Variants in CNTN5 observed in about 807,000 individuals in gnomAD.
The protein encoded by CNTN5 is contactin-5.
CNTN5 carries 77 observed loss-of-function variants against 129.1 expected under a neutral mutation model. The observed-to-expected ratio is 0.60, with a 90% CI of 0.50 to 0.72. The LOEUF is 0.72. CNTN5 is among the 30% of genes least tolerant of loss of function. The pLI is 0.00. For synonymous variants in CNTN5, 509 were observed against 465.6 expected, an observed-to-expected ratio of 1.09 and a Z score of -1.20; for missense variants, 1,478 against 1,328.8, an observed-to-expected ratio of 1.11 and a Z score of -1.75.
intron 1 of CNTN5, among the ~76,000 whole-genome samples, chr11:99,037,328 AG>A (rs982032277): frequency 1.3e-5 from 2 of 152,166 alleles, no homozygotes; most frequent in African/African-American, 4.8e-5. Context: ...TTGCTCTAAA[AG>A]CTTTAATCGT....
intron 9 of CNTN5, among the ~76,000 whole-genome samples, chr11:100,030,220 A>G (rs1473072018): frequency 6.6e-6 from 1 of 152,234 alleles, no homozygotes; most frequent in East Asian, 1.9e-4. Context: ...AAAAAGAAAA[A>G]AAAAAATTAA....
chr11:100,063,706 T>TAAAAAA (rs35896237), intron 10 of CNTN5, among the ~76,000 whole-genome samples: 17 of 115,262 alleles, frequency 1.5e-4, no homozygotes, highest in East Asian at 5.1e-4. Flanking sequence ...AACCTGTCTC[T>TAAAAAA]AAAAAAAAAA....
intron 8 of CNTN5, among the ~76,000 whole-genome samples, chr11:99,967,847 A>C (rs532171985): frequency 6.6e-6 from 1 of 152,156 alleles, no homozygotes; most frequent in Non-Finnish European, 1.5e-5. Flanking sequence ...CACTCATTTG[A>C]GTTCCCAGCA....
intron 6 of CNTN5, among the ~76,000 whole-genome samples, chr11:99,900,071 T>A (rs1480650034): frequency 6.6e-6 from 1 of 152,134 alleles, no homozygotes; most frequent in East Asian, 1.9e-4. Flanking sequence ...TCTTGATCAT[T>A]TCTGATTCTA....
chr11:99,972,260 C>T (rs1951283831), intron 8 of CNTN5, among the ~76,000 whole-genome samples: 1 of 151,698 alleles, frequency 6.6e-6, no homozygotes, highest in Non-Finnish European at 1.5e-5. Context: ...GACTCTGTTT[C>T]AAAAAATAAG....
chr11:99,213,264 T>A (rs1406389155), intron 1 of CNTN5, among the ~76,000 whole-genome samples: 2 of 145,910 alleles, frequency 1.4e-5, no homozygotes, highest in African/African-American at 5.0e-5. Context: ...TATACATATA[T>A]ATAAAATATA....
intron 13 of CNTN5, among the ~76,000 whole-genome samples, chr11:100,182,309 G>A (rs780122054): frequency 1.2e-4 from 18 of 152,086 alleles, no homozygotes; most frequent in Non-Finnish European, 2.1e-4. Flanking sequence ...AGGATGCTAA[G>A]ATGGTTAGTT....
chr11:99,055,297 T>A (rs2135189476), intron 1 of CNTN5, among the ~76,000 whole-genome samples: 1 of 152,166 alleles, frequency 6.6e-6, no homozygotes, highest in African/African-American at 2.4e-5. Flanking sequence ...CTGAGATGTT[T>A]ATTACTTAAG....
intron 1 of CNTN5, among the ~76,000 whole-genome samples, chr11:99,206,125 C>T (rs1485547950): frequency 6.6e-6 from 1 of 152,042 alleles, no homozygotes; most frequent in African/African-American, 2.4e-5. Context: ...CTAGAAATGT[C>T]CTGTGTTCCT....
At chr11:99,101,660 A>C (rs142171016) in intron 1 of CNTN5, among the ~76,000 whole-genome samples, 1 of 152,334 alleles carries the variant, frequency 6.6e-6, no homozygotes, top group Non-Finnish European at 1.5e-5. Context: ...TCCGTGTCTT[A>C]TATCCAGGTC....
At chr11:99,824,347 T>C (rs1946888971) in intron 4 of CNTN5, among the ~76,000 whole-genome samples, 1 of 151,980 alleles carries the variant, frequency 6.6e-6, no homozygotes, top group South Asian at 2.1e-4. Context: ...TTAGTTTGCA[T>C]TTTCTTGACT....
intron 9 of CNTN5, among the ~76,000 whole-genome samples, chr11:100,024,123 C>T (rs1735522319): frequency 1.3e-5 from 2 of 152,090 alleles, no homozygotes; most frequent in African/African-American, 4.8e-5. Context: ...AAGGGAGAGA[C>T]CAGGTGGAGG....
At chr11:99,852,294 T>C (rs1404848019) in intron 6 of CNTN5, among the ~76,000 whole-genome samples, 1 of 152,176 alleles carries the variant, frequency 6.6e-6, no homozygotes, top group Non-Finnish European at 1.5e-5. Context: ...GATTATTGGA[T>C]TAAGTTCAGA....
At chr11:99,896,562 C>G (rs144497904) in intron 6 of CNTN5, among the ~76,000 whole-genome samples, 61 of 152,246 alleles carry the variant, frequency 4.0e-4, no homozygotes, top group African/African-American at 1.1e-3. Context: ...TCCAATGCAG[C>G]CTTTCCACCC....
intron 1 of CNTN5, among the ~76,000 whole-genome samples, chr11:99,182,258 C>T (rs145832470): frequency 2.6e-3 from 391 of 152,186 alleles, no homozygotes; most frequent in African/African-American, 8.9e-3. Context: ...GCAAAGTATA[C>T]GTAGAGTGTC....
At chr11:99,373,711 C>CAAAA (rs57363059) in intron 2 of CNTN5, among the ~76,000 whole-genome samples, 4 of 95,944 alleles carry the variant, frequency 4.2e-5, no homozygotes, top group East Asian at 3.4e-4. Flanking sequence ...AACTCCGTCT[C>CAAAA]AAAAAAAAAA....
rs1029930310 is a variant in CNTN5 at position 99,044,951 on chromosome 11, C to T, written c.-210+23681C>T. On this transcript the variant is annotated intron_variant, in intron 1 of 24. Coordinates refer to ENST00000524871, the MANE Select transcript of CNTN5 (RefSeq NM_014361.4). ...TACTCTCCTGGTGTAGTTATTCCAC[C>T]TTTCTGTACCTCAGTCTCCTCATGT... Among the ~76,000 whole-genome samples the T allele has an allele frequency of 3.9e-4, 60 of 152,206 alleles. 1 individual carries two copies. The highest frequency in any genetic ancestry group is 1.4e-3 in the African/African-American group (58 of 41,524).
chr11:99,707,883 C>G (rs897408919), intron 3 of CNTN5, among the ~76,000 whole-genome samples: 6 of 151,250 alleles, frequency 4.0e-5, no homozygotes, highest in African/African-American at 1.5e-4. Context: ...AAATGGGAAA[C>G]CTATTTTATC....
intron 1 of CNTN5, among the ~76,000 whole-genome samples, chr11:99,272,047 G>T (rs1370275385): frequency 1.3e-5 from 2 of 151,822 alleles, no homozygotes; most frequent in Admixed American, 6.6e-5. Context: ...ACCCTACAAG[G>T]TTTATACATA....
Sources: allele counts gnomAD v4.1 joint callset (sites outside exome capture counted in the v4.1 genomes callset), GRCh38; gene constraint gnomAD v4.1.1; transcripts MANE v1.5; gene names NCBI Gene and HGNC (gene_info 2026-07-23, HGNC 2026-07-21).